Variants in MYO19 observed in about 807,000 individuals in gnomAD.
The protein encoded by MYO19 is myosin XIX, also known as unconventional myosin-XIX.
A neutral mutation model predicts 129.2 loss-of-function variants in MYO19; 132 were observed. The observed-to-expected ratio is 1.02, with a 90% CI of 0.89 to 1.18. The LOEUF is 1.18. Ranked by LOEUF, MYO19 falls within the 50% of genes most tolerant of loss-of-function variation. MYO19 has a pLI of 0.00. For synonymous variants in MYO19, 531 were observed against 477.2 expected (o/e 1.11, Z -1.47); for missense variants, 1,210 against 1,216.7 (o/e 0.99, Z 0.08).
At position 36,498,499 on chromosome 17, in the gene MYO19, G is replaced by C; in HGVS notation, c.2524C>G (p.Gln842Glu). ...GAGGTGCTCAGGGAACAGGGAGCTT[G>C]AGAGAAGTGTTTTTCTTCCACACCA... ...LDGVEEKHFS[Q>E]APCSLSTSPL... The change falls in exon 25 of 26, where the codon CAA becomes GAA. Residue 842 changes from glutamine to glutamate, a missense_variant. Coordinates refer to ENST00000614623, the MANE Select transcript of MYO19 (RefSeq NM_001163735.2). The C allele has an allele frequency of 6.2e-7, 1 of 1,614,064 alleles. No individual in the cohort carries two copies.
At position 36,507,855 on chromosome 17, in the gene MYO19, G is replaced by GCGTAGTTGATGCACAACTA. The variant is rs1367583958; in HGVS notation, c.1300_1301insTAGTTGTGCATCAACTACG (p.Ala434ValfsTer9). ...AAAATGCTGCTGCAGCTTCTCATTG[G>GCGTAGTTGATGCACAACTA]CGTAGTTGATGCACAACTGTTCCAG... On this transcript the variant is annotated frameshift_variant, in exon 15 of 26. Coordinates refer to ENST00000614623, the MANE Select transcript of MYO19 (RefSeq NM_001163735.2). LOFTEE classifies it high-confidence loss of function. 6 of 1,613,582 alleles carry GCGTAGTTGATGCACAACTA rather than the reference G, an allele frequency of 3.7e-6. No homozygotes were observed. The highest frequency in any genetic ancestry group is 5.1e-6 in the Non-Finnish European group (6 of 1,179,720).
chr17:36,528,369 G>C (rs1456881017), intron 3 of MYO19, among the ~76,000 whole-genome samples, 167 bp from the exon 4 acceptor site: 1 of 152,168 alleles, frequency 6.6e-6, no homozygotes, highest in Non-Finnish European at 1.5e-5. Flanking sequence ...AAATTAGCCA[G>C]GCATGGTGGC....
Position 36,501,238 on chromosome 17 carries a change from G to A in MYO19, c.2081-3C>T, listed in dbSNP as rs748496358. The A allele has an allele frequency of 3.7e-6, 6 of 1,607,362 alleles. No homozygotes were observed. Among genetic ancestry groups the A allele is most frequent in the South Asian group, 1.1e-5 (1 of 89,932 alleles). ...TTCCTCGCTGTGTGGACACCATTCT[G>A]GGGGAGGGAGATGGCCCCATCAGTG... On this transcript the variant is annotated splice_region_variant and splice_polypyrimidine_tract_variant and intron_variant, in intron 21 of 25. Transcript: ENST00000614623.
intron 25 of MYO19, chr17:36,497,597 T>A: frequency 1.0e-6 from 1 of 974,034 alleles, no homozygotes; most frequent in Non-Finnish European, 1.2e-6. Context: ...AACTTTTTTT[T>A]TTTTTTAGAT....
rs545010708 is a variant in MYO19 at position 36,503,724 on chromosome 17, C to T, written c.1976+226G>A. Among the ~76,000 whole-genome samples the T allele has an allele frequency of 3.3e-5, 5 of 152,362 alleles. No homozygotes were observed. In the East Asian group the frequency reaches 9.6e-4, roughly 29 times the overall value. On this transcript the variant is annotated intron_variant, in intron 20 of 25. Coordinates refer to ENST00000614623, the MANE Select transcript of MYO19 (RefSeq NM_001163735.2). ...CTGGCTTCTGTCCCCAACATTGTAC[C>T]AGTGTGGCTTTTGTCACAGCCATCA... is the stretch of plus-strand genomic sequence containing the variant.
chr17:36,515,875 G>C lies in MYO19; in HGVS notation c.530C>G (p.Pro177Arg), dbSNP rs748582867. 6.2e-7 allele frequency: 1 copy of C among 1,613,012 alleles called. No homozygotes were observed. The highest frequency in any genetic ancestry group is 8.5e-7 in the Non-Finnish European group (1 of 1,179,090). Residue 177 changes from proline to arginine, a missense_variant, in exon 7 of 26, where the codon CCT becomes CGT. Pro to Arg is a moderately radical substitution (Grantham distance 103). Transcript: ENST00000614623. ...AAGCTCACCAAAAGCTTCCATGACA[G>C]GGTTGGAGTTCAGGATCCTCTGTTC... is the stretch of plus-strand genomic sequence containing the variant. ...RIEQRILNSNPVMEAFGNACT... is the reference protein window; with the variant it reads ...RIEQRILNSNRVMEAFGNACT...
intron 25 of MYO19, among the ~76,000 whole-genome samples, chr17:36,497,102 G>A (rs550826748): frequency 6.6e-6 from 1 of 152,156 alleles, no homozygotes; most frequent in East Asian, 1.9e-4. Context: ...GGGCAAGGCA[G>A]GCAGACCACT....
intron 1 of MYO19, among the ~76,000 whole-genome samples, chr17:36,542,846 G>C (rs2074203979): frequency 6.6e-6 from 1 of 151,814 alleles, no homozygotes; most frequent in Admixed American, 6.6e-5. Flanking sequence ...CTCCGGAGTA[G>C]CTGGAATTAA....
rs2071238308 is a variant in MYO19 at position 36,498,825 on chromosome 17, T to G, written c.2463+250A>C. 4 of 593,900 alleles carry G rather than the reference T, an allele frequency of 6.7e-6. No individual in the cohort carries two copies. In the East Asian group the frequency reaches 8.4e-5, roughly 12 times the overall value. 36.8% of individuals were successfully genotyped at this position (593,900 alleles called of 1,614,324 possible). ...AACTGATATGCCATAAAACCCAGTC[T>G]TCTAAAGTGTACATCCCAGAGTTTG... On this transcript the variant is annotated intron_variant, in intron 24 of 25. Transcript: ENST00000614623.
rs778389089 is a variant in MYO19 at position 36,513,387 on chromosome 17, G to A, written c.894+42C>T. On this transcript the variant is annotated intron_variant, in intron 11 of 25. Transcript: ENST00000614623. ...AAAAGCTCTATGCAAAGGGCTGCCC[G>A]TCATCTCTGCCAAACTTAAGTGGCG... 250 of 1,613,948 alleles carry A rather than the reference G, an allele frequency of 1.5e-4. 2 individuals are homozygous for A. Among genetic ancestry groups the A allele is most frequent in the South Asian group, 3.8e-4 (35 of 91,086 alleles).
At chr17:36,542,593 G>A (rs907215623) in intron 1 of MYO19, among the ~76,000 whole-genome samples, 1 of 151,812 alleles carries the variant, frequency 6.6e-6, no homozygotes, top group Non-Finnish European at 1.5e-5. Flanking sequence ...CAGCTACTCG[G>A]GAGGCTGAGG....
In MYO19 at chr17:36,503,121, G is replaced by C. The variant is rs757742859; in HGVS notation, c.2056C>G (p.Pro686Ala). ...CCAGGGAGCCCTTTGGCAGGATATGGGCTGTCGGGGCCAGAGGATGTGCAA... is the reference window on the plus strand; with the variant it reads ...CCAGGGAGCCCTTTGGCAGGATATGCGCTGTCGGGGCCAGAGGATGTGCAA... ...HPCTSSGPDS[P>A]YPAKGLPEWC... Residue 686 changes from proline (P) to alanine (A), a missense_variant, in exon 21 of 26, where the codon CCA (proline) becomes GCA (alanine). By Grantham distance (27) the Pro-to-Ala change is conservative. Coordinates refer to ENST00000614623, the MANE Select transcript of MYO19 (RefSeq NM_001163735.2). 2 of 1,613,210 alleles carry C rather than the reference G, an allele frequency of 1.2e-6. No homozygotes were observed. The highest frequency in any genetic ancestry group is 8.5e-7 in the Non-Finnish European group (1 of 1,179,138).
intron 6 of MYO19, among the ~76,000 whole-genome samples, chr17:36,521,162 G>A (rs1483775287): frequency 6.6e-6 from 1 of 152,124 alleles, no homozygotes; most frequent in Non-Finnish European, 1.5e-5. Flanking sequence ...AAAAGTTATG[G>A]CCATTCAGGG....
intron 23 of MYO19, 98 bp from the exon 24 acceptor site, chr17:36,499,258 TC>T (rs1447586282): frequency 9.8e-6 from 8 of 819,362 alleles, no homozygotes; most frequent in South Asian, 9.7e-5. Context: ...TGTCAAAGTT[TC>T]AAATACGTTT....
At chr17:36,496,493 CAAG>C in intron 25 of MYO19, 87 bp from the exon 26 acceptor site, 2 of 1,323,002 alleles carry the variant, frequency 1.5e-6, no homozygotes. Context: ...GCTAAAAATG[CAAG>C]AAGGTATGGA....
chr17:36,538,055 T>C, upstream of MYO19: 1 of 1,614,152 alleles, frequency 6.2e-7, no homozygotes, highest in East Asian at 2.2e-5. Flanking sequence ...TACACATGGC[T>C]GGTGTGCAAA....
At chr17:36,511,302 A>C in intron 12 of MYO19, 63 bp downstream of exon 12, 1 of 1,515,714 alleles carries the variant, frequency 6.6e-7, no homozygotes, top group Non-Finnish European at 9.0e-7. Context: ...CCTTCCACCC[A>C]ACCCCAGCAA....
Position 36,513,411 on chromosome 17 carries a change from C to T in MYO19, c.894+18G>A, listed in dbSNP as rs746087767. The T allele has an allele frequency of 9.9e-6, 16 of 1,613,892 alleles. No individual in the cohort carries two copies. The highest frequency in any genetic ancestry group is 2.7e-5 in the African/African-American group (2 of 74,930). ...CGTCATCTCTGCCAAACTTAAGTGG[C>T]GTGGCTTTTCTTCTGACCTTAAAGA... is the stretch of plus-strand genomic sequence containing the variant. On this transcript the variant is annotated intron_variant, in intron 11 of 25. Coordinates refer to ENST00000614623, the MANE Select transcript of MYO19 (RefSeq NM_001163735.2).
In MYO19 at chr17:36,514,449, A is replaced by T; in HGVS notation, c.717T>A (p.Tyr239Ter). Reference protein sequence around the residue: ...ASSERNFHIFYQICKGASEDE... With the variant: ...ASSERNFHIF ...TGTGGCCCCATTTGGCACAAACCTG[A>T]TAGAAGATGTGGAAGTTCCTCTCAC... is the stretch of plus-strand genomic sequence containing the variant. Residue 239 changes from tyrosine (Y) to a stop codon, truncating the protein, a stop_gained, in exon 9 of 26, where the codon TAT (tyrosine) becomes TAA (stop). Transcript: ENST00000614623. LOFTEE classifies it high-confidence loss of function. The T allele has an allele frequency of 1.9e-6, 3 of 1,609,660 alleles. No individual in the cohort carries two copies.
Sources: gnomAD v4.1 joint callset for allele counts (sites outside exome capture counted in the v4.1 genomes callset) on GRCh38, gnomAD v4.1.1 for gene constraint, MANE v1.5 for transcripts, NCBI Gene and HGNC (gene_info 2026-07-23, HGNC 2026-07-21) for gene names.